Variants in HOXD3 observed in about 807,000 individuals in gnomAD.
The protein encoded by HOXD3 is homeobox protein Hox-D3.
HOXD3 carries 13 observed loss-of-function variants against 32.8 expected under a neutral mutation model. The ratio of observed to expected loss-of-function variants is 0.40; its 90% CI spans 0.26 to 0.63. The LOEUF (loss-of-function observed/expected upper bound fraction) is 0.63, where lower values mean the gene tolerates loss of function less well. Among genes scored for constraint, HOXD3 ranks in the 20% least tolerant of loss-of-function variants. The pLI, the probability that HOXD3 is intolerant of heterozygous loss-of-function variation, is 0.44. For synonymous variants in HOXD3, 241 were observed against 246.8 expected (o/e 0.98, Z 0.22); for missense variants, 504 against 577.1 (o/e 0.87, Z 1.30).
chr2:176,152,791 G>A (rs750650076), upstream of HOXD3: 1 of 1,614,218 alleles, frequency 6.2e-7, no homozygotes. The surrounding 1 kb of genome is among the most constrained non-coding windows in gnomAD (Gnocchi z 5.2). Context: ...CAGAACCGGA[G>A]GATGAAGTGG....
upstream of HOXD3, chr2:176,153,300 A>C: frequency 3.5e-6 from 1 of 284,248 alleles, no homozygotes. Context: ...ATTCTCCCCC[A>C]CTCCACCCCT....
intron 1 of HOXD3, among the ~76,000 whole-genome samples, chr2:176,163,393 G>C (rs1300892572): frequency 6.6e-6 from 1 of 151,752 alleles, no homozygotes; most frequent in Non-Finnish European, 1.5e-5. Flanking sequence ...AGCTTGGTCT[G>C]TGGCTTTGGG....
Position 176,172,047 on chromosome 2 carries a change from G to A in HOXD3, c.1072G>A (p.Val358Met), listed in dbSNP as rs558728405. ...SANLQGSPVY[V>M]GGNFVESMAP... ...CAACTTGCAGGGCAGCCCGGTGTAC[G>A]TGGGCGGCAACTTCGTCGAGTCCAT... Residue 358 changes from valine to methionine, a missense_variant, in exon 4 of 4, where the codon GTG (valine) becomes ATG (methionine). Physicochemically the swap from Val to Met is conservative, Grantham distance 21 (BLOSUM62 1). This residue lies in a region of HOXD3 where 226 missense variants were observed against 246.9 expected (regional missense o/e 0.92). Transcript: ENST00000683222. 1.2e-6 allele frequency: 2 copies of A among 1,608,848 alleles called. No individual in the cohort carries two copies. The highest frequency in any genetic ancestry group is 2.7e-5 in the African/African-American group (2 of 75,048).
rs747398987 is a variant in HOXD3, at chr2:176,171,842, G to A, written c.867G>A (p.Val289=). The change falls in exon 4 of 4, where the codon GTG becomes GTA. Residue 289 remains valine, a synonymous_variant. Transcript: ENST00000683222. ...CCTACTCCGGCCAGCTGCCGCCAGT[G>A]CCCGGCCTGGCCTACGACGCGCCCT... ...HVAYSGQLPP[V]PGLAYDAPSP... is the part of the protein sequence containing the mutation. The A allele has an allele frequency of 1.2e-6, 2 of 1,605,616 alleles. No homozygotes were observed. Among genetic ancestry groups the A allele is most frequent in the Non-Finnish European group, 8.5e-7 (1 of 1,176,002 alleles).
chr2:176,172,378 C>G lies in HOXD3; in HGVS notation c.*104C>G, dbSNP rs1478103793. 1.7e-5 allele frequency: 20 copies of G among 1,177,916 alleles called. No homozygotes were observed. Among genetic ancestry groups the G allele is most frequent in the Non-Finnish European group, 2.2e-5 (19 of 864,514 alleles). 73.0% of individuals were successfully genotyped at this position (1,177,916 alleles called of 1,614,324 possible). A position where few individuals can be genotyped will look rare whatever the true frequency, so the allele number is the denominator to read the frequency against. ...CAGTTCGGGAACCCCCTTCCCCGCT[C>G]TTGCCCTGCCGCCGCCTCCCGGGTC... On this transcript the variant is annotated 3_prime_UTR_variant, in exon 4 of 4. Coordinates refer to ENST00000683222, the MANE Select transcript of HOXD3 (RefSeq NM_006898.5).
In HOXD3 at chr2:176,171,509, C is replaced by G. The variant is rs752766972; in HGVS notation, c.542-8C>G. 2 of 1,570,740 alleles carry G rather than the reference C, an allele frequency of 1.3e-6. No homozygotes were observed. The highest frequency in any genetic ancestry group is 1.7e-6 in the Non-Finnish European group (2 of 1,157,090). On this transcript the variant is annotated splice_polypyrimidine_tract_variant and splice_region_variant and intron_variant, in intron 3 of 3. Coordinates refer to ENST00000683222, the MANE Select transcript of HOXD3 (RefSeq NM_006898.5). ...CTCAGCGCCCTCCCTCTCTCCCTCC[C>G]TGCCCAGGAGAGAGCTGCGAGGACA...
At chr2:176,152,958 G>A (rs1690574463), upstream of HOXD3, 1 of 1,611,606 alleles carries the variant, frequency 6.2e-7, no homozygotes, top group Non-Finnish European at 8.5e-7. This position sits in a 1 kb window ranked among gnomAD's most constrained non-coding sequence, Gnocchi z 5.2. Context: ...GGGACCCTGG[G>A]CCCATCTCTC....
chr2:176,156,894 T>C (rs189085114), upstream of HOXD3, among the ~76,000 whole-genome samples: 37 of 152,334 alleles, frequency 2.4e-4, no homozygotes, highest in Admixed American at 2.2e-3. Flanking sequence ...TGTGTATTTA[T>C]AAGTGCGCAG....
At chr2:176,152,984 G>A, upstream of HOXD3, 1 of 1,591,390 alleles carries the variant, frequency 6.3e-7, no homozygotes, top group East Asian at 2.2e-5. This position sits in a 1 kb window ranked among gnomAD's most constrained non-coding sequence, Gnocchi z 5.2. Flanking sequence ...GCACCAGGCT[G>A]AGCCGAAGCT....
chr2:176,156,362 G>T (rs1200035826), upstream of HOXD3, among the ~76,000 whole-genome samples: 3 of 152,190 alleles, frequency 2.0e-5, no homozygotes, highest in Non-Finnish European at 4.4e-5. Flanking sequence ...TGAAGAAAAA[G>T]TAATTGCCCA....
intron 1 of HOXD3, among the ~76,000 whole-genome samples, chr2:176,158,488 T>G (rs73033744): frequency 0.059 from 9,005 of 152,220 alleles, 872 homozygotes; most frequent in African/African-American, 0.2. Context: ...CCTCCTTCCC[T>G]CTTGTTGCTG....
upstream of HOXD3, among the ~76,000 whole-genome samples, chr2:176,155,854 A>G (rs371138565): frequency 5.3e-5 from 8 of 152,262 alleles, no homozygotes; most frequent in East Asian, 1.2e-3. Flanking sequence ...TGCTGAGGAC[A>G]TTGCTCCTCT....
chr2:176,161,800 T>A (rs537543729), intron 1 of HOXD3, among the ~76,000 whole-genome samples: 3 of 152,350 alleles, frequency 2.0e-5, no homozygotes, highest in African/African-American at 7.2e-5. Context: ...AAAGGTTTAG[T>A]GTTTCTAGGT....
chr2:176,156,560 T>C (rs757960162), upstream of HOXD3, among the ~76,000 whole-genome samples: 13 of 152,142 alleles, frequency 8.5e-5, no homozygotes, highest in Non-Finnish European at 1.9e-4. Flanking sequence ...GTGGCTGCTC[T>C]GACCTGACCC....
rs554628839 is a variant in HOXD3 at position 176,171,970 on chromosome 2, C to T, written c.995C>T (p.Pro332Leu). ...CLPQQKRYAA[P>L]EFEPHPMASN... ...CCACAACAGAAGCGCTACGCAGCGC[C>T]GGAGTTCGAGCCCCATCCCATGGCG... The change falls in exon 4 of 4, where the codon CCG becomes CTG. Residue 332 changes from proline (P) to leucine (L), a missense_variant. By Grantham distance (98) the Pro-to-Leu change is moderately conservative (BLOSUM62 -3). This residue lies in a region of HOXD3 where 226 missense variants were observed against 246.9 expected (regional missense o/e 0.92). Coordinates refer to ENST00000683222, the MANE Select transcript of HOXD3 (RefSeq NM_006898.5). 2 of 1,610,642 alleles carry T rather than the reference C, an allele frequency of 1.2e-6. No homozygotes were observed. The highest frequency in any genetic ancestry group is 1.1e-5 in the South Asian group (1 of 90,996).
At chr2:176,153,092 C>A, upstream of HOXD3, 1 of 433,218 alleles carries the variant, frequency 2.3e-6, no homozygotes, top group Admixed American at 3.2e-5. Flanking sequence ...GGTTAGCATC[C>A]TGCCCGAGGG....
Position 176,169,039 on chromosome 2 carries a change from G to A in HOXD3, c.-76G>A, listed in dbSNP as rs573897352. 45 of 1,516,630 alleles carry A rather than the reference G, an allele frequency of 3.0e-5. No individual in the cohort carries two copies. The South Asian group carries it at 5.9e-4, about 20-fold the overall frequency. The allele number at this position is 1,516,630 out of a possible 1,614,324, so 93.9% of individuals were successfully genotyped here. On this transcript the variant is annotated 5_prime_UTR_variant, in exon 3 of 4. Coordinates refer to ENST00000683222, the MANE Select transcript of HOXD3 (RefSeq NM_006898.5). ...TGCTTTTCTTCTGACAGGTCACCTGGAGCCTGGGGGCCGGCCCAGCTCTCT... is the reference window on the plus strand; with the variant it reads ...TGCTTTTCTTCTGACAGGTCACCTGAAGCCTGGGGGCCGGCCCAGCTCTCT...
intron 3 of HOXD3, among the ~76,000 whole-genome samples, chr2:176,170,264 T>C (rs1425967633): frequency 3.3e-5 from 5 of 152,210 alleles, no homozygotes; most frequent in Non-Finnish European, 7.3e-5. Context: ...TAGGGGCTGC[T>C]AAGCATAACC....
upstream of HOXD3, among the ~76,000 whole-genome samples, chr2:176,156,649 T>C (rs1690650562): frequency 6.6e-6 from 1 of 152,076 alleles, no homozygotes; most frequent in Admixed American, 6.5e-5. Context: ...CCCCTCCTTC[T>C]TCCGCGCCCC....
Sources: gnomAD v4.1 joint callset for allele counts (sites outside exome capture counted in the v4.1 genomes callset) on GRCh38, gnomAD v4.1.1 for gene constraint, gnomAD v4.1.1 regional missense constraint, Gnocchi (gnomAD v3.1) non-coding constraint, MANE v1.5 for transcripts, NCBI Gene and HGNC (gene_info 2026-07-23, HGNC 2026-07-21) for gene names.